COL6A6: variants seen among roughly 807,000 people sequenced by gnomAD.
COL6A6 encodes collagen alpha-6(VI) chain.
Under a neutral mutation model 208.6 loss-of-function variants are expected in COL6A6, and 183 were observed. That is an observed-to-expected ratio of 0.88 (90% confidence interval 0.78 to 0.99). The LOEUF (loss-of-function observed/expected upper bound fraction) is 0.99, where lower values mean the gene tolerates loss of function less well. COL6A6 is among the 50% of genes least tolerant of loss of function. COL6A6 has a pLI of 0.00. For synonymous variants in COL6A6, 973 were observed against 1,011.8 expected (o/e 0.96, Z 0.73); for missense variants, 2,816 against 2,815.2 (o/e 1.00, Z -0.01).
At chr3:130,571,437 A>G in intron 7 of COL6A6, 44 bp downstream of exon 7, 1 of 1,409,978 alleles carries the variant, frequency 7.1e-7, no homozygotes, top group Non-Finnish European at 9.6e-7. Context: ...TAGCAGAGGG[A>G]CAAATGAGAG....
In COL6A6 at chr3:130,628,468, A is replaced by G. The variant is rs80238498; in HGVS notation, c.4992+1099A>G. On this transcript the variant is annotated intron_variant, in intron 26 of 36. Coordinates refer to ENST00000358511, the MANE Select transcript of COL6A6 (RefSeq NM_001102608.3). Reference sequence around the variant, plus strand: ...TAAAAGGAAATAACAAAATGTATATAATCTTTCTGGGCAGTAAGATTTTGG... The same window carrying G: ...TAAAAGGAAATAACAAAATGTATATGATCTTTCTGGGCAGTAAGATTTTGG... 2.3e-3 allele frequency among the ~76,000 whole-genome samples: 348 copies of G among 152,358 alleles called. 9 individuals are homozygous for G. In the East Asian group the frequency reaches 0.047, roughly 21 times the overall value.
rs1367665595 is a variant in COL6A6, at chr3:130,556,451, T to C, written c.-31-3883T>C. Among the ~76,000 whole-genome samples, 3 of 152,222 alleles carry C rather than the reference T, an allele frequency of 2.0e-5. No homozygotes were observed. The East Asian group carries it at 5.8e-4, about 29-fold the overall frequency. On this transcript the variant is annotated intron_variant, in intron 1 of 36. Transcript: ENST00000358511. ...GTTTCTTGAAAGGTTGGTGGAACTT[T>C]CCAAAGGCCTGGTGTTTACTTTCTG...
chr3:130,567,992 C>T, intron 5 of COL6A6, 55 bp from the exon 6 acceptor site: 1 of 1,431,426 alleles, frequency 7.0e-7, no homozygotes, highest in Non-Finnish European at 9.5e-7. Context: ...CCTGTTTACT[C>T]TGAACTTTTT....
chr3:130,528,373 C>G (rs2062009248), intron 1 of COL6A6, among the ~76,000 whole-genome samples: 1 of 152,184 alleles, frequency 6.6e-6, no homozygotes, highest in Admixed American at 6.5e-5. Context: ...TCCTGCATTT[C>G]TGATCCCCAG....
At position 130,670,101 on chromosome 3, in the gene COL6A6, G is replaced by C. The variant is rs180815851; in HGVS notation, c.6596+5005G>C. 2.3e-3 allele frequency among the ~76,000 whole-genome samples: 343 copies of C among 152,340 alleles called. 1 individual carries two copies. The highest frequency in any genetic ancestry group is 6.8e-3 in the Middle Eastern group (2 of 294). ...GAATCTCTTGCTTACCTTGACAGGT[G>C]AGCTGTCCAGGGAAACTGTCCAGCA... On this transcript the variant is annotated intron_variant, in intron 36 of 36. Transcript: ENST00000358511.
rs987669963 is a variant in COL6A6, at chr3:130,627,257, G to A, written c.4942-62G>A. On this transcript the variant is annotated intron_variant, in intron 25 of 36. Transcript: ENST00000358511. Reference sequence around the variant, plus strand: ...AAAAAGCTGGCAATGTTGTCCTCTTGAAGAATAAGCCTGTCTCTATCTGTA... The same window carrying A: ...AAAAAGCTGGCAATGTTGTCCTCTTAAAGAATAAGCCTGTCTCTATCTGTA... 14 of 1,497,740 alleles carry A rather than the reference G, an allele frequency of 9.3e-6. No individual in the cohort carries two copies. The East Asian group carries it at 2.7e-4, about 29-fold the overall frequency. The allele number at this position is 1,497,740 out of a possible 1,614,324, so 92.8% of individuals were successfully genotyped here. A position where few individuals can be genotyped will look rare whatever the true frequency, so the allele number is the denominator to read the frequency against.
At chr3:130,589,014 T>TC in intron 11 of COL6A6, 76 bp from the exon 12 acceptor site, 1 of 1,078,666 alleles carries the variant, frequency 9.3e-7, no homozygotes, top group Non-Finnish European at 1.4e-6. Context: ...GAAGTCTGGA[T>TC]CGCATGGTTG....
chr3:130,529,917 G>GGGCA (rs918610928), intron 1 of COL6A6, among the ~76,000 whole-genome samples: 67 of 152,306 alleles, frequency 4.4e-4, no homozygotes, highest in African/African-American at 1.6e-3. Context: ...CCTCAGCAGA[G>GGGCA]GGCAGCACAG....
intron 1 of COL6A6, among the ~76,000 whole-genome samples, chr3:130,554,709 G>T (rs1247231458): frequency 6.6e-6 from 1 of 152,196 alleles, no homozygotes; most frequent in East Asian, 1.9e-4. Context: ...GTGGAGAAGG[G>T]GAGGTGAGGT....
intron 21 of COL6A6, 35 bp from the exon 22 acceptor site, chr3:130,608,851 GACAAAATGTTCAGGAA>G: frequency 7.8e-7 from 1 of 1,279,556 alleles, no homozygotes. Context: ...AGGTAAAGGA[GACAAAATGTTCAGGAA>G]ACAGTGTTAA....
intron 21 of COL6A6, among the ~76,000 whole-genome samples, chr3:130,608,320 T>C (rs2064246971): frequency 6.6e-6 from 1 of 152,220 alleles, no homozygotes; most frequent in Non-Finnish European, 1.5e-5. Flanking sequence ...AAAAGGTATC[T>C]GTAAGTGACA....
intron 1 of COL6A6, among the ~76,000 whole-genome samples, chr3:130,554,957 C>A (rs1156924412): frequency 6.6e-6 from 1 of 152,116 alleles, no homozygotes; most frequent in Non-Finnish European, 1.5e-5. Flanking sequence ...CCCAGTTGGG[C>A]AGCCAGGCTG....
At chr3:130,617,703 C>T (rs1260668309) in intron 23 of COL6A6, among the ~76,000 whole-genome samples, 2 of 152,134 alleles carry the variant, frequency 1.3e-5, no homozygotes, top group East Asian at 3.9e-4. Context: ...CACTTGATCT[C>T]CTTGTTTCTT....
Position 130,642,815 on chromosome 3 carries a change from T to C in COL6A6, c.5155-17T>C. 1 of 1,609,872 alleles carries C rather than the reference T, an allele frequency of 6.2e-7. No individual in the cohort carries two copies. ...ATGTCTAGAGGCATTAAAACAATGT[T>C]TTGTTTGTTTTCCTAGGGTGTGAAA... On this transcript the variant is annotated splice_polypyrimidine_tract_variant and intron_variant, in intron 29 of 36. Coordinates refer to ENST00000358511, the MANE Select transcript of COL6A6 (RefSeq NM_001102608.3).
chr3:130,626,997 A>G (rs2064908735), intron 25 of COL6A6, among the ~76,000 whole-genome samples: 1 of 152,126 alleles, frequency 6.6e-6, no homozygotes, highest in Non-Finnish European at 1.5e-5. Context: ...GAGAGGTAAT[A>G]CTATTATCTC....
intron 11 of COL6A6, among the ~76,000 whole-genome samples, chr3:130,588,053 T>C (rs1053403955): frequency 6.6e-6 from 1 of 152,198 alleles, no homozygotes; most frequent in African/African-American, 2.4e-5. Context: ...ATTTTGGTGA[T>C]CCAAAGAAAA....
intron 10 of COL6A6, among the ~76,000 whole-genome samples, chr3:130,582,382 G>T (rs955985006): frequency 2.0e-5 from 3 of 152,034 alleles, no homozygotes; most frequent in African/African-American, 7.2e-5. Flanking sequence ...GTCTAATATT[G>T]CTACTTCTTT....
chr3:130,623,879 A>T (rs781433706), intron 24 of COL6A6, among the ~76,000 whole-genome samples: 14 of 152,200 alleles, frequency 9.2e-5, no homozygotes, highest in Non-Finnish European at 2.1e-4. Flanking sequence ...ACAAAAAAGC[A>T]CACTGGATTT....
chr3:130,547,612 C>T (rs2062545250), intron 1 of COL6A6, among the ~76,000 whole-genome samples: 2 of 152,270 alleles, frequency 1.3e-5, no homozygotes, highest in Non-Finnish European at 2.9e-5. Context: ...ATGTTGTCAC[C>T]TCTCAATGTG....
Sources: gnomAD v4.1 joint callset for allele counts (sites outside exome capture counted in the v4.1 genomes callset) on GRCh38, gnomAD v4.1.1 for gene constraint, MANE v1.5 for transcripts, NCBI Gene and HGNC (gene_info 2026-07-23, HGNC 2026-07-21) for gene names.